Variants in PHACTR3 observed in about 807,000 individuals in gnomAD.
PHACTR3 encodes the protein protein phosphatase 1, regulatory subunit 123.
In PHACTR3, 16 loss-of-function variants were observed where a neutral mutation model predicts 66.8. The observed-to-expected ratio is 0.24, with a 90% CI of 0.16 to 0.36. The LOEUF (loss-of-function observed/expected upper bound fraction) is 0.36, where lower values mean the gene tolerates loss of function less well. Among genes scored for constraint, PHACTR3 ranks in the 10% least tolerant of loss-of-function variants. PHACTR3 has a pLI of 1.00. For missense variants in PHACTR3, 647 were observed against 719.9 expected (o/e 0.90, Z 1.16); for synonymous variants, 323 against 292.1 (o/e 1.11, Z -1.08).
chr20:59,709,722 TGAGC>T (rs1326019225), intron 1 of PHACTR3, among the ~76,000 whole-genome samples: 1 of 152,156 alleles, frequency 6.6e-6, no homozygotes, highest in Non-Finnish European at 1.5e-5. Context: ...TTTCATGCCT[TGAGC>T]CTCCCCTTTG....
Position 59,767,179 on chromosome 20 carries a change from G to A in PHACTR3, c.542-7G>A. The A allele has an allele frequency of 6.2e-7, 1 of 1,614,118 alleles. No individual in the cohort carries two copies. Among genetic ancestry groups the A allele is most frequent in the Non-Finnish European group, 8.5e-7 (1 of 1,180,002 alleles). On this transcript the variant is annotated splice_polypyrimidine_tract_variant and splice_region_variant and intron_variant, in intron 4 of 12. Transcript: ENST00000371015. The stretch of plus-strand genomic sequence containing the variant: ...GTTTTTAACTCTCTGCTTTGCCTTT[G>A]AACCAGCCAAGATGCCTTCTGCATC...
intron 1 of PHACTR3, among the ~76,000 whole-genome samples, chr20:59,639,948 G>A (rs566757527): frequency 1.3e-4 from 20 of 152,302 alleles, no homozygotes; most frequent in African/African-American, 2.2e-4. Flanking sequence ...CCCCTAGGCC[G>A]ACAGAGGCTT....
chr20:59,658,699 C>T (rs1233516122), intron 1 of PHACTR3, among the ~76,000 whole-genome samples: 1 of 152,184 alleles, frequency 6.6e-6, no homozygotes, highest in East Asian at 1.9e-4. Flanking sequence ...CTATTAGGCT[C>T]CACTAACTGC....
chr20:59,613,568 G>T (rs2033930266), intron 1 of PHACTR3, among the ~76,000 whole-genome samples: 1 of 152,194 alleles, frequency 6.6e-6, no homozygotes, highest in African/African-American at 2.4e-5. Flanking sequence ...GCTTAAGATA[G>T]GTGTATTGCT....
chr20:59,781,608 C>G (rs981865183), intron 7 of PHACTR3, among the ~76,000 whole-genome samples: 1 of 151,862 alleles, frequency 6.6e-6, no homozygotes, highest in African/African-American at 2.4e-5. Flanking sequence ...TGTGTCCCAG[C>G]GGCAAAAGAA....
chr20:59,627,478 G>C (rs2034497652), intron 1 of PHACTR3, among the ~76,000 whole-genome samples: 1 of 152,238 alleles, frequency 6.6e-6, no homozygotes, highest in Non-Finnish European at 1.5e-5. Flanking sequence ...AGGATGGAGA[G>C]GTTCTGGCGG....
intron 7 of PHACTR3, among the ~76,000 whole-genome samples, chr20:59,785,586 CG>C (rs1255254372): frequency 1.3e-5 from 2 of 152,104 alleles, no homozygotes; most frequent in Non-Finnish European, 2.9e-5. Context: ...GGGGAGGAAG[CG>C]GGAGATGATT....
At chr20:59,749,346 T>G (rs1568777718) in intron 3 of PHACTR3, among the ~76,000 whole-genome samples, 2 of 152,342 alleles carry the variant, frequency 1.3e-5, no homozygotes, top group South Asian at 2.1e-4. Flanking sequence ...TATATAGATT[T>G]GGTTCCTCTC....
chr20:59,655,351 T>A (rs147579533), intron 1 of PHACTR3, among the ~76,000 whole-genome samples: 2 of 152,092 alleles, frequency 1.3e-5, no homozygotes, highest in Non-Finnish European at 2.9e-5. Flanking sequence ...GTTTTAAATA[T>A]CTTTCCAGAG....
chr20:59,765,828 A>C (rs2040161053), intron 4 of PHACTR3, among the ~76,000 whole-genome samples: 1 of 152,226 alleles, frequency 6.6e-6, no homozygotes, highest in Admixed American at 6.5e-5. Flanking sequence ...GAGCTAACAC[A>C]GTGACCCAAG....
chr20:59,721,960 G>A (rs2038318065), intron 1 of PHACTR3, among the ~76,000 whole-genome samples: 1 of 151,998 alleles, frequency 6.6e-6, no homozygotes, highest in Non-Finnish European at 1.5e-5. Context: ...CCCAGTCAGG[G>A]TGACTCACGC....
In PHACTR3 at chr20:59,645,512, G is replaced by T. The variant is rs550712813; in HGVS notation, c.118+40380G>T. On this transcript the variant is annotated intron_variant, in intron 1 of 12. Transcript: ENST00000371015. ...CCACACTGCCCTCCCTGGCCTCGGA[G>T]GCTAAAGCGCTGGCCCCTGCCAGCC... Among the ~76,000 whole-genome samples, 3 of 152,180 alleles carry T rather than the reference G, an allele frequency of 2.0e-5. No homozygotes were observed. The East Asian group carries it at 5.8e-4, about 30-fold the overall frequency.
intron 2 of PHACTR3, among the ~76,000 whole-genome samples, chr20:59,744,133 CCAACT>C (rs2039276938): frequency 6.6e-6 from 1 of 152,236 alleles, no homozygotes; most frequent in South Asian, 2.1e-4. Context: ...CATGGAGGAG[CCAACT>C]CAACCCTCAG....
chr20:59,748,139 A>G (rs955777521), intron 3 of PHACTR3, among the ~76,000 whole-genome samples: 1 of 152,208 alleles, frequency 6.6e-6, no homozygotes, highest in Admixed American at 6.5e-5. Context: ...CAATTCCTTT[A>G]AAGTGGTAGC....
At position 59,755,382 on chromosome 20, in the gene PHACTR3, C is replaced by T. The variant is rs376383339; in HGVS notation, c.541+18C>T. The T allele has an allele frequency of 1.3e-5, 21 of 1,610,148 alleles. No homozygotes were observed. The African/African-American group carries it at 1.6e-4, about 12-fold the overall frequency. ...CGATGCAGGTACTGGCTGGAGACCACGCGAAGTTGAGCTGCTCCTAGAATG... is the reference window on the plus strand; with the variant it reads ...CGATGCAGGTACTGGCTGGAGACCATGCGAAGTTGAGCTGCTCCTAGAATG... On this transcript the variant is annotated intron_variant, in intron 4 of 12. Coordinates refer to ENST00000371015, the MANE Select transcript of PHACTR3 (RefSeq NM_080672.5).
chr20:59,672,416 C>T (rs902388953), intron 1 of PHACTR3, among the ~76,000 whole-genome samples: 1 of 152,186 alleles, frequency 6.6e-6, no homozygotes, highest in African/African-American at 2.4e-5. Flanking sequence ...CCATGGCCTG[C>T]ATGTAGAATC....
chr20:59,791,744 A>AC (rs2041106416), intron 7 of PHACTR3, among the ~76,000 whole-genome samples: 1 of 73,800 alleles, frequency 1.4e-5, no homozygotes, highest in Admixed American at 1.7e-4. Flanking sequence ...CCCACCCCCC[A>AC]CCCCACAACA....
chr20:59,845,592 A>G (rs2059133750), intron 12 of PHACTR3, among the ~76,000 whole-genome samples: 1 of 152,172 alleles, frequency 6.6e-6, no homozygotes, highest in African/African-American at 2.4e-5. Context: ...CCTCCAATTT[A>G]TAGAACTCAC....
chr20:59,798,684 A>C (rs1452848090), intron 7 of PHACTR3, among the ~76,000 whole-genome samples: 1 of 152,194 alleles, frequency 6.6e-6, no homozygotes, highest in Non-Finnish European at 1.5e-5. Flanking sequence ...TAACATCTGT[A>C]GAATTAGATG....
Sources: allele counts gnomAD v4.1 joint callset (sites outside exome capture counted in the v4.1 genomes callset), GRCh38; gene constraint gnomAD v4.1.1; transcripts MANE v1.5; gene names NCBI Gene and HGNC (gene_info 2026-07-23, HGNC 2026-07-21).